Variants in CTNNA2 observed in about 807,000 individuals in gnomAD.
CTNNA2 encodes catenin alpha-2.
In CTNNA2, 42 loss-of-function variants were observed where a neutral mutation model predicts 101.0. That is an observed-to-expected ratio of 0.42 (90% CI 0.32 to 0.54). CTNNA2 has a LOEUF of 0.54. Among genes scored for constraint, CTNNA2 ranks in the 20% least tolerant of loss-of-function variants. The pLI, the probability that CTNNA2 is intolerant of heterozygous loss-of-function variation, is 0.14. For missense variants in CTNNA2, 871 were observed against 1,223.1 expected (o/e 0.71, Z 4.29); for synonymous variants, 450 against 456.4 (o/e 0.99, Z 0.18).
In CTNNA2 at chr2:80,445,116, G is replaced by A. The variant is rs560731274; in HGVS notation, c.1290+25515G>A. 1.0e-3 allele frequency among the ~76,000 whole-genome samples: 155 copies of A among 152,130 alleles called. 1 individual carries two copies. The highest frequency in any genetic ancestry group is 3.4e-3 in the African/African-American group (141 of 41,508). On this transcript the variant is annotated intron_variant, in intron 9 of 18. Transcript: ENST00000402739. ...ATTTAGGCCATGAACCTCATTATCT[G>A]CAAGTTTAGGTTTTATGTTTGTCTC...
chr2:79,649,640 A>C (rs1681076656), intron 1 of CTNNA2, among the ~76,000 whole-genome samples: 1 of 152,160 alleles, frequency 6.6e-6, no homozygotes, highest in Non-Finnish European at 1.5e-5. Context: ...TGGTAGTGTG[A>C]ATGGAAAATG....
chr2:80,215,316 G>A (rs574144655), intron 7 of CTNNA2, among the ~76,000 whole-genome samples: 1 of 152,272 alleles, frequency 6.6e-6, no homozygotes, highest in South Asian at 2.1e-4. Context: ...GTGAGGAGCT[G>A]CATTCCTTTG....
At chr2:79,730,816 T>C (rs1687150102) in intron 2 of CTNNA2, among the ~76,000 whole-genome samples, 1 of 151,850 alleles carries the variant, frequency 6.6e-6, no homozygotes, top group Admixed American at 6.6e-5. Flanking sequence ...TAGAATTCCT[T>C]TCATGCTACA....
At chr2:79,775,360 T>C (rs888410450) in intron 3 of CTNNA2, among the ~76,000 whole-genome samples, 4 of 152,226 alleles carry the variant, frequency 2.6e-5, no homozygotes, top group Non-Finnish European at 5.9e-5. Flanking sequence ...ATCTATTTAG[T>C]ACATTTTGGC....
intron 7 of CTNNA2, among the ~76,000 whole-genome samples, chr2:80,271,933 A>G (rs905732775): frequency 2.6e-4 from 40 of 152,288 alleles, no homozygotes; most frequent in African/African-American, 8.9e-4. Flanking sequence ...GATCCATAAG[A>G]GAGTCTTTTA....
intron 4 of CTNNA2, among the ~76,000 whole-genome samples, chr2:79,446,399 G>T (rs542211462): frequency 2.6e-5 from 4 of 152,184 alleles, no homozygotes; most frequent in African/African-American, 9.6e-5. Context: ...TACTCAGAAA[G>T]CACAGTGACA....
chr2:80,485,200 T>C (rs1334492184), intron 9 of CTNNA2, among the ~76,000 whole-genome samples: 1 of 152,200 alleles, frequency 6.6e-6, no homozygotes, highest in Non-Finnish European at 1.5e-5. Flanking sequence ...CAAACTAACT[T>C]CTGTGAAATA....
chr2:79,447,987 G>C (rs1347481632), intron 4 of CTNNA2, among the ~76,000 whole-genome samples: 5 of 152,006 alleles, frequency 3.3e-5, no homozygotes, highest in East Asian at 3.9e-4. Flanking sequence ...GGTAGGAATG[G>C]GGAAAGGAAG....
intron 4 of CTNNA2, among the ~76,000 whole-genome samples, chr2:79,483,960 G>C (rs1236701175): frequency 6.6e-6 from 1 of 152,130 alleles, no homozygotes; most frequent in East Asian, 1.9e-4. Flanking sequence ...GATAAGTCCA[G>C]CATGCAAGGG....
chr2:79,641,539 A>T (rs1680449892), intron 1 of CTNNA2, among the ~76,000 whole-genome samples: 1 of 152,170 alleles, frequency 6.6e-6, no homozygotes, highest in South Asian at 2.1e-4. Flanking sequence ...TTGCTGAAGG[A>T]TAATAAGCAA....
At chr2:80,417,853 T>C (rs1380729463) in intron 8 of CTNNA2, among the ~76,000 whole-genome samples, 1 of 152,184 alleles carries the variant, frequency 6.6e-6, no homozygotes, top group South Asian at 2.1e-4. Context: ...TAATTTTAAG[T>C]TGCTCATTTT....
intron 3 of CTNNA2, among the ~76,000 whole-genome samples, chr2:79,361,534 TAGCTGGTGTTCATATTTAAAGAAGTC>T (rs1432309863): frequency 1.1e-4 from 16 of 152,218 alleles, no homozygotes; most frequent in Admixed American, 9.2e-4. Context: ...GGAGAGAAGT[TAGCTGGTGTTCATATTTAAAGAAGTC>T]AGCTGGTGTT....
intron 2 of CTNNA2, 138 bp from the exon 3 acceptor site, chr2:79,744,249 G>A (rs926154687): frequency 1.4e-6 from 1 of 730,024 alleles, no homozygotes; most frequent in East Asian, 2.7e-5. Context: ...TATGTGAGGA[G>A]GCTAAGTGAT....
At chr2:79,315,866 T>G (rs1676484653) in intron 3 of CTNNA2, among the ~76,000 whole-genome samples, 1 of 152,104 alleles carries the variant, frequency 6.6e-6, no homozygotes, top group Admixed American at 6.5e-5. Context: ...CATTTTAAAT[T>G]CCCACCAGCA....
intron 7 of CTNNA2, among the ~76,000 whole-genome samples, chr2:80,107,077 A>T (rs1000635206): frequency 1.3e-5 from 2 of 152,026 alleles, no homozygotes; most frequent in East Asian, 1.9e-4. Context: ...GTTGATAGAG[A>T]CAGAAGGCAG....
chr2:80,579,360 T>G (rs752403404), intron 13 of CTNNA2: 12 of 152,204 alleles, frequency 7.9e-5, no homozygotes, highest in Non-Finnish European at 1.5e-4. Context: ...TGCTTATTTT[T>G]GTTGAATGAG....
chr2:79,901,388 T>C (rs188301350), intron 6 of CTNNA2, among the ~76,000 whole-genome samples: 147 of 152,192 alleles, frequency 9.7e-4, no homozygotes, highest in East Asian at 4.5e-3. Context: ...CTTGTTGCCT[T>C]GAACTATGAA....
intron 9 of CTNNA2, among the ~76,000 whole-genome samples, chr2:80,460,956 G>T (rs550915078): frequency 5.9e-5 from 9 of 152,152 alleles, no homozygotes; most frequent in Non-Finnish European, 1.0e-4. Context: ...CCCAGGCAAT[G>T]TTGACTCTAC....
chr2:79,416,288 T>G (rs372576021), intron 4 of CTNNA2, among the ~76,000 whole-genome samples: 1 of 121,874 alleles, frequency 8.2e-6, no homozygotes, highest in African/African-American at 3.1e-5. Context: ...TTTTGGCCAA[T>G]AAAAAGCAAT....
Sources: allele counts gnomAD v4.1 joint callset (sites outside exome capture counted in the v4.1 genomes callset), GRCh38; gene constraint gnomAD v4.1.1; transcripts MANE v1.5; gene names NCBI Gene and HGNC (gene_info 2026-07-23, HGNC 2026-07-21).